ELMO1: variants seen among roughly 807,000 people sequenced by gnomAD.
ELMO1 encodes the protein engulfment and cell motility 1.
A neutral mutation model predicts 98.9 loss-of-function variants in ELMO1; 26 were observed. The observed-to-expected ratio is 0.26, with a 90% CI of 0.19 to 0.36. The LOEUF (loss-of-function observed/expected upper bound fraction) is 0.36, where lower values mean the gene tolerates loss of function less well. ELMO1 is among the 10% of genes least tolerant of loss of function. The probability of loss-of-function intolerance (pLI) is 1.00; values close to 1 mark genes in which losing one functional copy is unlikely to be tolerated. For missense variants in ELMO1, 627 were observed against 935.2 expected, an observed-to-expected ratio of 0.67 and a Z score of 4.30; for synonymous variants, 346 against 346.0, an observed-to-expected ratio of 1.00 and a Z score of 0.00.
chr7:37,025,895 T>TTCTATCTA (rs57497721), intron 15 of ELMO1, among the ~76,000 whole-genome samples: 56,144 of 142,650 alleles, frequency 0.39, 11,335 homozygotes, highest in East Asian at 0.42. Context: ...ATATTATATA[T>TTCTATCTA]TCTATCTATC....
intron 13 of ELMO1, among the ~76,000 whole-genome samples, chr7:37,197,850 C>A (rs573304134): frequency 6.6e-6 from 1 of 152,264 alleles, no homozygotes; most frequent in South Asian, 2.1e-4. Context: ...TCCCAGGTAC[C>A]AGGACCCCAT....
intron 1 of ELMO1, among the ~76,000 whole-genome samples, chr7:37,445,053 A>G (rs533241304): frequency 2.6e-5 from 4 of 152,342 alleles, no homozygotes; most frequent in African/African-American, 9.6e-5. Context: ...TACACTGAGC[A>G]ATACTTTGAC....
At chr7:37,264,280 C>CAT (rs1796133619) in intron 5 of ELMO1, among the ~76,000 whole-genome samples, 1 of 150,014 alleles carries the variant, frequency 6.7e-6, no homozygotes, top group Non-Finnish European at 1.5e-5. Flanking sequence ...AATGAATACA[C>CAT]ATATATATAT....
At chr7:37,218,977 A>T (rs1486518938) in intron 10 of ELMO1, among the ~76,000 whole-genome samples, 1 of 152,254 alleles carries the variant, frequency 6.6e-6, no homozygotes, top group South Asian at 2.1e-4. Context: ...TCTCACCAAC[A>T]TATTTGCCAT....
intron 14 of ELMO1, among the ~76,000 whole-genome samples, chr7:37,120,899 C>A (rs1366673837): frequency 6.6e-6 from 1 of 152,202 alleles, no homozygotes; most frequent in Non-Finnish European, 1.5e-5. Flanking sequence ...TGACACCTCA[C>A]ACAGCCGGGT....
intron 11 of ELMO1, among the ~76,000 whole-genome samples, chr7:37,214,091 G>C (rs1275827255): frequency 6.6e-6 from 1 of 152,172 alleles, no homozygotes; most frequent in Non-Finnish European, 1.5e-5. Flanking sequence ...ACTGAAAAGA[G>C]AACATACAAG....
At chr7:37,375,824 C>T (rs1802317291) in intron 1 of ELMO1, 3 of 805,766 alleles carry the variant, frequency 3.7e-6, no homozygotes, top group South Asian at 2.8e-5. Flanking sequence ...CGTCCAGAGA[C>T]TGGCAGGCCT....
chr7:37,376,957 A>G (rs978034712), intron 1 of ELMO1, among the ~76,000 whole-genome samples: 1 of 152,196 alleles, frequency 6.6e-6, no homozygotes, highest in African/African-American at 2.4e-5. Context: ...ATGCTCCTGG[A>G]CTTTCAATGG....
intron 15 of ELMO1, among the ~76,000 whole-genome samples, chr7:37,061,375 G>A (rs920934724): frequency 6.6e-6 from 1 of 152,194 alleles, no homozygotes; most frequent in Non-Finnish European, 1.5e-5. Context: ...GCACGTTCTA[G>A]AGAGAAGCTT....
intron 16 of ELMO1, among the ~76,000 whole-genome samples, chr7:36,972,213 G>A (rs2129134099): frequency 6.6e-6 from 1 of 152,292 alleles, no homozygotes; most frequent in Middle Eastern, 3.4e-3. Flanking sequence ...CAGCTAATGG[G>A]ACTTAAACCC....
chr7:37,199,824 T>C (rs1299062457), intron 13 of ELMO1, among the ~76,000 whole-genome samples: 1 of 152,136 alleles, frequency 6.6e-6, no homozygotes, highest in East Asian at 1.9e-4. Flanking sequence ...GATCTGCAAG[T>C]ATTCTAAGTG....
chr7:37,094,089 T>C (rs950242899), intron 15 of ELMO1, among the ~76,000 whole-genome samples: 17 of 152,216 alleles, frequency 1.1e-4, no homozygotes, highest in African/African-American at 4.1e-4. Context: ...GTGTCCCTCA[T>C]AGTCTGTGGC....
At chr7:37,041,161 G>A (rs991509602) in intron 15 of ELMO1, among the ~76,000 whole-genome samples, 4 of 152,166 alleles carry the variant, frequency 2.6e-5, no homozygotes, top group African/African-American at 9.6e-5. Context: ...AGGGGCATAT[G>A]CAATAGGTAA....
chr7:37,388,493 T>C (rs1402831352), intron 1 of ELMO1, among the ~76,000 whole-genome samples: 1 of 151,502 alleles, frequency 6.6e-6, no homozygotes, highest in Non-Finnish European at 1.5e-5. Context: ...GAAGTTGTAA[T>C]TGGGAAAAAG....
At chr7:37,171,792 G>A (rs1307150037) in intron 13 of ELMO1, among the ~76,000 whole-genome samples, 7 of 152,050 alleles carry the variant, frequency 4.6e-5, no homozygotes, top group East Asian at 1.9e-4. Flanking sequence ...ACGCCTGGCC[G>A]CCTTTCTCTT....
intron 1 of ELMO1, among the ~76,000 whole-genome samples, chr7:37,372,770 T>C (rs1262609693): frequency 2.0e-5 from 3 of 152,242 alleles, no homozygotes; most frequent in Admixed American, 1.3e-4. Flanking sequence ...AAGGAAATTT[T>C]CCACTATATT....
chr7:37,167,899 G>A (rs1789835781), intron 13 of ELMO1, among the ~76,000 whole-genome samples: 1 of 151,856 alleles, frequency 6.6e-6, no homozygotes, highest in South Asian at 2.1e-4. Flanking sequence ...TTGCTAGATT[G>A]GGGAAGTTCT....
At chr7:37,442,569 T>C (rs1458186524) in intron 1 of ELMO1, among the ~76,000 whole-genome samples, 3 of 152,222 alleles carry the variant, frequency 2.0e-5, no homozygotes, top group African/African-American at 7.2e-5. Context: ...ATTAATAAAT[T>C]GCATTCTAGC....
In ELMO1 at chr7:37,216,558, AC is replaced by A. The variant is rs1291406926; in HGVS notation, c.831+86del. ...ACCACAGAAGGAAGTCACAGAACAA[AC>A]CACAGACTGAAGCCAAAAGAAGAGA... On this transcript the variant is annotated intron_variant, in intron 11 of 21. Coordinates refer to ENST00000310758, the MANE Select transcript of ELMO1 (RefSeq NM_014800.11). 7 of 1,493,958 alleles carry A rather than the reference AC, an allele frequency of 4.7e-6. No individual in the cohort carries two copies. In the Admixed American group the frequency reaches 1.0e-4, roughly 22 times the overall value. The allele number at this position is 1,493,958 out of a possible 1,614,324, so 92.5% of individuals were successfully genotyped here. A position where few individuals can be genotyped will look rare whatever the true frequency, so the allele number is the denominator to read the frequency against.
Sources: gnomAD v4.1 joint callset for allele counts (sites outside exome capture counted in the v4.1 genomes callset) on GRCh38, gnomAD v4.1.1 for gene constraint, MANE v1.5 for transcripts, NCBI Gene and HGNC (gene_info 2026-07-23, HGNC 2026-07-21) for gene names.